FGGY: variants seen among roughly 807,000 people sequenced by gnomAD.
FGGY encodes the protein FGGY carbohydrate kinase domain-containing protein.
FGGY carries 72 observed loss-of-function variants against 71.3 expected under a neutral mutation model. That is an observed-to-expected ratio of 1.01 (90% confidence interval 0.84 to 1.23). The LOEUF is 1.23. Ranked by LOEUF, FGGY falls within the 50% of genes most tolerant of loss-of-function variation. The probability of loss-of-function intolerance (pLI) is 0.00; values close to 1 mark genes in which losing one functional copy is unlikely to be tolerated. For missense variants in FGGY, 668 were observed against 682.3 expected (o/e 0.98, Z 0.23); for synonymous variants, 251 against 250.3 (o/e 1.00, Z -0.02).
chr1:59,498,587 C>T (rs1235833230), intron 6 of FGGY, among the ~76,000 whole-genome samples: 5 of 152,054 alleles, frequency 3.3e-5, no homozygotes, highest in African/African-American at 9.7e-5. Context: ...GGCTGGGCTC[C>T]ACACCACAGT....
At chr1:59,408,574 T>C (rs564136767) in intron 5 of FGGY, among the ~76,000 whole-genome samples, 1 of 152,208 alleles carries the variant, frequency 6.6e-6, no homozygotes, top group Admixed American at 6.5e-5. Flanking sequence ...TGTATAAATA[T>C]TCTGTCTCTC....
At chr1:59,654,007 T>TTCTA (rs1260366411) in intron 11 of FGGY, among the ~76,000 whole-genome samples, 1 of 152,220 alleles carries the variant, frequency 6.6e-6, no homozygotes, top group Non-Finnish European at 1.5e-5. Context: ...TATTAAATAA[T>TTCTA]TCTATCTGCC....
chr1:59,658,470 G>A (rs1180032582), intron 11 of FGGY, among the ~76,000 whole-genome samples: 1 of 152,174 alleles, frequency 6.6e-6, no homozygotes, highest in African/African-American at 2.4e-5. Context: ...AAGAAAAACT[G>A]TCAGCAGGTA....
At position 59,372,630 on chromosome 1, in the gene FGGY, C is replaced by G. The variant is rs192257123; in HGVS notation, c.466-6119C>G. 3.5e-3 allele frequency among the ~76,000 whole-genome samples: 529 copies of G among 152,268 alleles called. 3 individuals are homozygous for G. Among genetic ancestry groups the G allele is most frequent in the African/African-American group, 0.012 (511 of 41,544 alleles). On this transcript the variant is annotated intron_variant, in intron 4 of 15. Coordinates refer to ENST00000303721, the MANE Select transcript of FGGY (RefSeq NM_018291.5). ...AAAAAAGAGAATTTTAGACCAATAT[C>G]CTTGATGAACATTGATGCAAAAATC... is the stretch of plus-strand genomic sequence containing the variant.
intron 5 of FGGY, among the ~76,000 whole-genome samples, chr1:59,383,950 G>A (rs998017734): frequency 6.6e-6 from 1 of 151,964 alleles, no homozygotes; most frequent in Non-Finnish European, 1.5e-5. Context: ...CTGTGTCACG[G>A]GTGCGTCCTT....
At chr1:59,731,084 C>T (rs547425134) in intron 14 of FGGY, among the ~76,000 whole-genome samples, 6 of 152,178 alleles carry the variant, frequency 3.9e-5, no homozygotes, top group East Asian at 1.9e-4. Context: ...TGACTAAGCA[C>T]GACTCAGAGT....
chr1:59,634,823 T>C (rs1408517696), intron 10 of FGGY, among the ~76,000 whole-genome samples: 1 of 152,240 alleles, frequency 6.6e-6, no homozygotes, highest in Non-Finnish European at 1.5e-5. Context: ...TAGACAGTAT[T>C]AGCCCCAATA....
chr1:59,371,421 A>C (rs190464832), intron 4 of FGGY, among the ~76,000 whole-genome samples: 5,363 of 151,468 alleles, frequency 0.035, 355 homozygotes, highest in African/African-American at 0.12. Flanking sequence ...TCCTTAGAGA[A>C]CTACAAAGAG....
chr1:59,413,695 A>G (rs892147327), intron 5 of FGGY, among the ~76,000 whole-genome samples: 2 of 152,336 alleles, frequency 1.3e-5, no homozygotes, highest in Non-Finnish European at 2.9e-5. Context: ...GGGGCCAGAC[A>G]CATGACTGTA....
intron 5 of FGGY, among the ~76,000 whole-genome samples, chr1:59,421,425 T>C (rs1409494292): frequency 1.3e-5 from 2 of 152,110 alleles, no homozygotes; most frequent in African/African-American, 2.4e-5. Context: ...GGAATTTGTT[T>C]AAAAAGAATC....
At chr1:59,713,176 C>T (rs1573569578) in intron 14 of FGGY, among the ~76,000 whole-genome samples, 1 of 152,196 alleles carries the variant, frequency 6.6e-6, no homozygotes, top group African/African-American at 2.4e-5. Context: ...CTCCCATTCC[C>T]ACAAGTTCTT....
chr1:59,453,738 G>C (rs902481242), intron 5 of FGGY, among the ~76,000 whole-genome samples: 1 of 152,242 alleles, frequency 6.6e-6, no homozygotes, highest in African/African-American at 2.4e-5. Flanking sequence ...ATCTCTTGAG[G>C]CTCAGACTCG....
chr1:59,632,307 T>C (rs1041083130), intron 10 of FGGY, among the ~76,000 whole-genome samples: 4 of 152,166 alleles, frequency 2.6e-5, no homozygotes, highest in Non-Finnish European at 5.9e-5. Context: ...ATATAGAGCA[T>C]TGGTTTCAAA....
At chr1:59,742,138 G>A (rs932924265) in intron 14 of FGGY, among the ~76,000 whole-genome samples, 1 of 152,108 alleles carries the variant, frequency 6.6e-6, no homozygotes, top group Non-Finnish European at 1.5e-5. Flanking sequence ...CTGCCTATCA[G>A]CTCCCCTAGC....
intron 6 of FGGY, among the ~76,000 whole-genome samples, chr1:59,473,298 G>C (rs1278526619): frequency 6.6e-6 from 1 of 151,706 alleles, no homozygotes. Context: ...AACACTCACC[G>C]CGAAGGTCCG....
chr1:59,645,325 GTGGCCT>G (rs2097082854), intron 11 of FGGY, among the ~76,000 whole-genome samples: 1 of 152,122 alleles, frequency 6.6e-6, no homozygotes, highest in African/African-American at 2.4e-5. Context: ...CTCCTGCTTG[GTGGCCT>G]TTACTTGCAT....
At chr1:59,476,386 G>A (rs2153558916) in intron 6 of FGGY, among the ~76,000 whole-genome samples, 1 of 152,340 alleles carries the variant, frequency 6.6e-6, no homozygotes, top group African/African-American at 2.4e-5. Flanking sequence ...AAGGAAAGGA[G>A]AGGTTAAGTA....
Position 59,454,027 on chromosome 1 carries a change from G to A in FGGY, c.555-2934G>A, listed in dbSNP as rs536994464. Among the ~76,000 whole-genome samples, 21 of 152,296 alleles carry A rather than the reference G, an allele frequency of 1.4e-4. No individual in the cohort carries two copies. The South Asian group carries it at 3.3e-3, about 24-fold the overall frequency. The stretch of plus-strand genomic sequence containing the variant: ...ACTTACAATGGTACCTCAAGAGAGA[G>A]AGCCACGAGTTTAGCTTGGAGGTAG... On this transcript the variant is annotated intron_variant, in intron 5 of 15. Coordinates refer to ENST00000303721, the MANE Select transcript of FGGY (RefSeq NM_018291.5).
rs1425528835 is a variant in FGGY, at chr1:59,745,639, A to G, written c.1513-12292A>G. On this transcript the variant is annotated intron_variant, in intron 14 of 15. Transcript: ENST00000303721. ...GAAGCAGATTTTGTCCCTTGTAGCCATAAGTGAAGCATATCCTGGCTAAAT... is the reference window on the plus strand; with the variant it reads ...GAAGCAGATTTTGTCCCTTGTAGCCGTAAGTGAAGCATATCCTGGCTAAAT... 2.6e-5 allele frequency among the ~76,000 whole-genome samples: 4 copies of G among 152,336 alleles called. No individual in the cohort carries two copies. The East Asian group carries it at 7.7e-4, about 29-fold the overall frequency.
Sources: allele counts gnomAD v4.1 joint callset (sites outside exome capture counted in the v4.1 genomes callset), GRCh38; gene constraint gnomAD v4.1.1; transcripts MANE v1.5; gene names NCBI Gene and HGNC (gene_info 2026-07-23, HGNC 2026-07-21).